The following LOC128462377 variants were observed in gnomAD, a reference collection of about 807,000 sequenced individuals.
chr16:89,406,737 G>A, the LOC128462377 span, among the ~76,000 whole-genome samples: 459 of 152,304 alleles, frequency 3.0e-3, no homozygotes, highest in African/African-American at 0.01. Context: ...CCTCCTTCAC[G>A]CTGATAAGCG....
the LOC128462377 span, among the ~76,000 whole-genome samples, chr16:89,321,566 A>T: frequency 6.6e-6 from 1 of 152,044 alleles, no homozygotes; most frequent in Non-Finnish European, 1.5e-5. Flanking sequence ...TCCGTGGACC[A>T]TGGAGACTCA....
chr16:89,350,685 G>A, the LOC128462377 span, among the ~76,000 whole-genome samples: 9 of 152,184 alleles, frequency 5.9e-5, no homozygotes, highest in Non-Finnish European at 1.0e-4. Flanking sequence ...CTTTCTTGGG[G>A]TGATGGAAAT....
the LOC128462377 span, among the ~76,000 whole-genome samples, chr16:89,340,429 C>G: frequency 1.3e-5 from 2 of 152,214 alleles, no homozygotes; most frequent in African/African-American, 4.8e-5. Context: ...CATGCGCCAC[C>G]ATGCCTGGCT....
chr16:89,352,103 T>C, the LOC128462377 span, among the ~76,000 whole-genome samples: 1 of 151,462 alleles, frequency 6.6e-6, no homozygotes, highest in Non-Finnish European at 1.5e-5. Context: ...GTTGGTCAGA[T>C]TGGTCTCAAA....
the LOC128462377 span, among the ~76,000 whole-genome samples, chr16:89,398,803 C>T: frequency 6.6e-6 from 1 of 152,072 alleles, no homozygotes; most frequent in African/African-American, 2.4e-5. Context: ...AATTACTCGT[C>T]TAGTCTCTGA....
the LOC128462377 span, among the ~76,000 whole-genome samples, chr16:89,355,778 G>C: frequency 6.6e-6 from 1 of 152,180 alleles, no homozygotes. Context: ...CCTGACAATC[G>C]CATCTGCACC....
the LOC128462377 span, among the ~76,000 whole-genome samples, chr16:89,362,437 C>T: frequency 6.6e-6 from 1 of 152,184 alleles, no homozygotes; most frequent in Admixed American, 6.5e-5. Context: ...TGCACAGCTA[C>T]AGAATGAAGT....
the LOC128462377 span, chr16:89,392,547 A>G: frequency 6.6e-6 from 1 of 151,996 alleles, no homozygotes; most frequent in Non-Finnish European, 1.5e-5. Flanking sequence ...CCACGCTGAG[A>G]TGCTCCAGGG....
At chr16:89,356,510 G>T in the LOC128462377 span, among the ~76,000 whole-genome samples, 1 of 151,736 alleles carries the variant, frequency 6.6e-6, no homozygotes, top group East Asian at 1.9e-4. Flanking sequence ...GGTGGCTCAC[G>T]CCTATAATCC....
chr16:89,323,234 A>T, the LOC128462377 span: 1 of 1,180,502 alleles, frequency 8.5e-7, no homozygotes, highest in Non-Finnish European at 1.1e-6. Context: ...AAAAAAGAAA[A>T]AAGGAGAAAA....
chr16:89,402,834 C>T, the LOC128462377 span, among the ~76,000 whole-genome samples: 4 of 21,838 alleles, frequency 1.8e-4, no homozygotes, highest in East Asian at 2.2e-3. Flanking sequence ...GGCGGCACTG[C>T]GGGAGGAGGT....
At chr16:89,380,141 CTCAT>C in the LOC128462377 span, among the ~76,000 whole-genome samples, 3 of 152,078 alleles carry the variant, frequency 2.0e-5, no homozygotes, top group Admixed American at 1.3e-4. Flanking sequence ...GAGACAGAGT[CTCAT>C]TCTGTCACCC....
the LOC128462377 span, among the ~76,000 whole-genome samples, chr16:89,388,609 T>A: frequency 1.3e-5 from 2 of 152,114 alleles, no homozygotes; most frequent in South Asian, 4.2e-4. Context: ...TGGAAAATAT[T>A]TGCACCTGAG....
the LOC128462377 span, among the ~76,000 whole-genome samples, chr16:89,358,307 C>T: frequency 6.4e-4 from 98 of 152,362 alleles, 3 homozygotes; most frequent in Non-Finnish European, 1.6e-4. Context: ...TTCTGTTGGC[C>T]ACATCACAGC....
the LOC128462377 span, among the ~76,000 whole-genome samples, chr16:89,355,073 T>C: frequency 2.0e-5 from 3 of 152,124 alleles, no homozygotes; most frequent in African/African-American, 7.2e-5. Context: ...TCTAAAAACA[T>C]CAGAAAAAGT....
chr16:89,368,124 G>A, the LOC128462377 span, among the ~76,000 whole-genome samples: 1 of 152,008 alleles, frequency 6.6e-6, no homozygotes, highest in Non-Finnish European at 1.5e-5. Flanking sequence ...CTACTCATTG[G>A]TTTAAAAAAT....
chr16:89,332,666 AC>A, the LOC128462377 span, among the ~76,000 whole-genome samples: 1 of 152,126 alleles, frequency 6.6e-6, no homozygotes, highest in Non-Finnish European at 1.5e-5. Flanking sequence ...GACAAACACA[AC>A]GAGAGAGGCG....
the LOC128462377 span, among the ~76,000 whole-genome samples, chr16:89,410,674 A>C: frequency 2.6e-5 from 4 of 152,228 alleles, no homozygotes; most frequent in Non-Finnish European, 5.9e-5. Context: ...TATTTTTCCT[A>C]ATAAATAAAT....
chr16:89,338,726 CAAAAA>C, the LOC128462377 span, among the ~76,000 whole-genome samples: 21 of 43,794 alleles, frequency 4.8e-4, no homozygotes, highest in Admixed American at 4.4e-3. Context: ...CACTCAGTCT[CAAAAA>C]AAAAAAAAAA....
Sources: gnomAD v4.1 joint callset for allele counts (sites outside exome capture counted in the v4.1 genomes callset) on GRCh38, gnomAD v4.1.1 for gene constraint, MANE v1.5 for transcripts.